Variants in MREG observed in about 807,000 individuals in gnomAD.
The protein encoded by MREG is melanoregulin.
Under a neutral mutation model 28.5 loss-of-function variants are expected in MREG, and 31 were observed. The observed-to-expected ratio is 1.09, with a 90% CI of 0.82 to 1.47. MREG has a LOEUF of 1.47. Among genes scored for constraint, MREG ranks in the 40% most tolerant of loss-of-function variants. MREG has a pLI of 0.00. For missense variants in MREG, 256 were observed against 257.4 expected, an observed-to-expected ratio of 0.99 and a Z score of 0.04; for synonymous variants, 106 against 95.2, an observed-to-expected ratio of 1.11 and a Z score of -0.66.
chr2:215,978,442 T>C (rs1693317190), intron 2 of MREG, among the ~76,000 whole-genome samples: 1 of 152,198 alleles, frequency 6.6e-6, no homozygotes, highest in Non-Finnish European at 1.5e-5. Context: ...ACAGCCGAAT[T>C]CTACCAGAGG....
At chr2:215,986,633 T>C (rs1006973567) in intron 2 of MREG, among the ~76,000 whole-genome samples, 1 of 152,344 alleles carries the variant, frequency 6.6e-6, no homozygotes, top group Non-Finnish European at 1.5e-5. Flanking sequence ...TGGAGATAAC[T>C]GAATCATGGG....
At chr2:216,031,933 G>A (rs1027502619) in intron 1 of MREG, among the ~76,000 whole-genome samples, 1 of 152,088 alleles carries the variant, frequency 6.6e-6, no homozygotes, top group African/African-American at 2.4e-5. Flanking sequence ...CCGTATTTTT[G>A]TATTTCTTAA....
intron 1 of MREG, among the ~76,000 whole-genome samples, chr2:215,999,120 G>A (rs1693946742): frequency 6.6e-6 from 1 of 152,190 alleles, no homozygotes; most frequent in South Asian, 2.1e-4. Context: ...ACGGGGTTGG[G>A]GAATCGAAGT....
intron 2 of MREG, among the ~76,000 whole-genome samples, chr2:215,966,174 C>A (rs760109656): frequency 6.6e-6 from 1 of 152,164 alleles, no homozygotes; most frequent in Non-Finnish European, 1.5e-5. Context: ...GGGAGACATC[C>A]TCAATGCCCC....
At chr2:216,020,665 T>A (rs1368056922) in intron 1 of MREG, among the ~76,000 whole-genome samples, 1 of 152,194 alleles carries the variant, frequency 6.6e-6, no homozygotes, top group Non-Finnish European at 1.5e-5. Context: ...AAAAGGGGAA[T>A]GGATACTGGC....
chr2:216,000,184 G>A (rs558971995), intron 1 of MREG, among the ~76,000 whole-genome samples: 20 of 152,306 alleles, frequency 1.3e-4, no homozygotes, highest in Non-Finnish European at 2.9e-4. Context: ...GGGTGGCATT[G>A]GCCTACTTTG....
chr2:215,993,943 A>G (rs1198983609), intron 2 of MREG, among the ~76,000 whole-genome samples: 4 of 152,200 alleles, frequency 2.6e-5, no homozygotes, highest in African/African-American at 9.7e-5. Context: ...GAGAAATAGG[A>G]ACACTTTTAC....
chr2:215,979,790 A>G (rs1415776295), intron 2 of MREG, among the ~76,000 whole-genome samples: 1 of 151,950 alleles, frequency 6.6e-6, no homozygotes, highest in Non-Finnish European at 1.5e-5. Flanking sequence ...GATCTCAGAC[A>G]CTCTAAGAAA....
intron 2 of MREG, among the ~76,000 whole-genome samples, chr2:215,990,756 T>TA (rs1693700347): frequency 1.3e-5 from 2 of 152,210 alleles, no homozygotes; most frequent in Non-Finnish European, 2.9e-5. Context: ...TTGTCTCTGA[T>TA]AAAATGGACT....
intron 1 of MREG, among the ~76,000 whole-genome samples, chr2:216,029,161 A>C (rs1365222495): frequency 2.0e-5 from 3 of 152,248 alleles, no homozygotes; most frequent in Non-Finnish European, 2.9e-5. Flanking sequence ...GGATGAAAGC[A>C]GCTTGATGGC....
At chr2:216,017,773 G>T (rs376255703), upstream of MREG, among the ~76,000 whole-genome samples, 5 of 152,108 alleles carry the variant, frequency 3.3e-5, no homozygotes, top group East Asian at 3.8e-4. Context: ...GAATTTGGAG[G>T]CCCCTCTCTT....
chr2:216,033,413 G>A (rs1180705779), upstream of MREG, among the ~76,000 whole-genome samples: 4 of 152,090 alleles, frequency 2.6e-5, no homozygotes, highest in South Asian at 2.1e-4. Flanking sequence ...GCTGGGATTC[G>A]AACCCAAGCA....
intron 2 of MREG, among the ~76,000 whole-genome samples, chr2:215,983,752 T>A (rs1412078902): frequency 6.6e-6 from 1 of 152,134 alleles, no homozygotes; most frequent in African/African-American, 2.4e-5. Context: ...TTTTCAGAGA[T>A]CACTCCAGCC....
In MREG at chr2:215,947,088, A is replaced by T. The variant is rs373723376; in HGVS notation, c.281T>A (p.Ile94Asn). Residue 94 changes from isoleucine to asparagine, a missense_variant, in exon 3 of 5, where the codon ATC becomes AAC. Coordinates refer to ENST00000263268, the MANE Select transcript of MREG (RefSeq NM_018000.3). ...CCTTCGAACCTGCCGCAGGGTATGG[A>T]TATCATAGTTGAGCTTCTGCCACTC... is the stretch of plus-strand genomic sequence containing the variant. ...SEEWQKLNYD[I>N]HTLRQVRREV... The T allele has an allele frequency of 9.3e-6, 15 of 1,612,982 alleles. No individual in the cohort carries two copies. Among genetic ancestry groups the T allele is most frequent in the Non-Finnish European group, 1.1e-5 (13 of 1,179,208 alleles).
intron 1 of MREG, among the ~76,000 whole-genome samples, chr2:216,029,495 C>T (rs1202944037): frequency 6.6e-6 from 1 of 152,106 alleles, no homozygotes; most frequent in African/African-American, 2.4e-5. Flanking sequence ...ATTGAGGCTG[C>T]TGAGTTAGGA....
chr2:215,944,855 C>T lies in MREG; in HGVS notation c.*8G>A. On this transcript the variant is annotated 3_prime_UTR_variant, in exon 5 of 5. Transcript: ENST00000263268. ...GAAGAATTCCCATTCTGCCCCTGAGCCTCTCCTTTAGGGACTTGGAAACGG... is the reference window on the plus strand; with the variant it reads ...GAAGAATTCCCATTCTGCCCCTGAGTCTCTCCTTTAGGGACTTGGAAACGG... The T allele has an allele frequency of 1.3e-6, 2 of 1,573,788 alleles. No individual in the cohort carries two copies. The highest frequency in any genetic ancestry group is 1.7e-6 in the Non-Finnish European group (2 of 1,148,164).
chr2:215,991,610 C>T (rs1468393255), intron 2 of MREG, among the ~76,000 whole-genome samples: 1 of 151,798 alleles, frequency 6.6e-6, no homozygotes, highest in Non-Finnish European at 1.5e-5. Flanking sequence ...AATCCAGGAG[C>T]TGGCTTTTTG....
intron 1 of MREG, among the ~76,000 whole-genome samples, chr2:216,004,886 A>G (rs967632854): frequency 6.6e-6 from 1 of 152,190 alleles, no homozygotes; most frequent in East Asian, 1.9e-4. Context: ...GTCAGGGTAG[A>G]ATGTTCTGAT....
rs539809913 is a variant in MREG, at chr2:216,008,027, G to T, written c.95+5206C>A. On this transcript the variant is annotated intron_variant, in intron 1 of 4. Transcript: ENST00000263268. Reference sequence around the variant, plus strand: ...CTCTGTATTTCCCCTAGGAACAATGGTTCAGTATTCACTAATTCAGTGTTC... The same window carrying T: ...CTCTGTATTTCCCCTAGGAACAATGTTTCAGTATTCACTAATTCAGTGTTC... Among the ~76,000 whole-genome samples the T allele has an allele frequency of 2.6e-5, 4 of 152,148 alleles. No homozygotes were observed. The East Asian group carries it at 7.7e-4, about 29-fold the overall frequency.
Sources: gnomAD v4.1 joint callset for allele counts (sites outside exome capture counted in the v4.1 genomes callset) on GRCh38, gnomAD v4.1.1 for gene constraint, MANE v1.5 for transcripts, NCBI Gene and HGNC (gene_info 2026-07-23, HGNC 2026-07-21) for gene names.